AUTS2: variants seen among roughly 807,000 people sequenced by gnomAD.
The protein encoded by AUTS2 is activator of transcription and developmental regulator AUTS2.
A neutral mutation model predicts 112.4 loss-of-function variants in AUTS2; 17 were observed. That is an observed-to-expected ratio of 0.15 (90% confidence interval 0.10 to 0.23). The LOEUF (loss-of-function observed/expected upper bound fraction) is 0.23, where lower values mean the gene tolerates loss of function less well. Among genes scored for constraint, AUTS2 ranks in the 10% least tolerant of loss-of-function variants. AUTS2 has a pLI of 1.00. For missense variants in AUTS2, 1,510 were observed against 1,701.6 expected (o/e 0.89, Z 1.98); for synonymous variants, 751 against 702.7 (o/e 1.07, Z -1.09).
At chr7:70,389,775 T>C (rs1389209123) in intron 4 of AUTS2, among the ~76,000 whole-genome samples, 2 of 152,184 alleles carry the variant, frequency 1.3e-5, no homozygotes, top group Non-Finnish European at 2.9e-5. Context: ...CATGAATTCA[T>C]CATAAAGGAG....
At chr7:70,152,228 T>A (rs184701285) in intron 4 of AUTS2, among the ~76,000 whole-genome samples, 4 of 152,018 alleles carry the variant, frequency 2.6e-5, no homozygotes, top group Admixed American at 2.6e-4. Flanking sequence ...TAAATTGGAG[T>A]CTCCAGAGAG....
intron 4 of AUTS2, among the ~76,000 whole-genome samples, chr7:70,345,765 T>C (rs1043617952): frequency 6.6e-6 from 1 of 152,216 alleles, no homozygotes; most frequent in South Asian, 2.1e-4. Flanking sequence ...TTCAGTTTTG[T>C]CTAAGAAGCC....
intron 5 of AUTS2, among the ~76,000 whole-genome samples, chr7:70,670,536 A>G (rs1228428560): frequency 2.0e-5 from 3 of 152,208 alleles, no homozygotes; most frequent in African/African-American, 2.4e-5. Context: ...CACAGCCCAC[A>G]GGTGGGCAAG....
intron 1 of AUTS2, among the ~76,000 whole-genome samples, chr7:69,823,854 G>A (rs777557679): frequency 1.8e-4 from 28 of 152,158 alleles, no homozygotes; most frequent in Non-Finnish European, 3.1e-4. Flanking sequence ...CAGTGAAATG[G>A]ATTTGATGAG....
chr7:70,417,294 A>G (rs892114493), intron 4 of AUTS2, among the ~76,000 whole-genome samples: 8 of 152,232 alleles, frequency 5.3e-5, no homozygotes, highest in African/African-American at 1.9e-4. Context: ...ACCATTTTGC[A>G]ATGTGACTAT....
chr7:70,482,617 G>C (rs539077932), intron 5 of AUTS2, among the ~76,000 whole-genome samples: 1 of 152,138 alleles, frequency 6.6e-6, no homozygotes, highest in East Asian at 1.9e-4. Context: ...AGAGGGATTT[G>C]GGGGGAGGGC....
At chr7:70,166,061 C>T (rs1305035459) in intron 4 of AUTS2, among the ~76,000 whole-genome samples, 3 of 152,148 alleles carry the variant, frequency 2.0e-5, no homozygotes, top group South Asian at 2.1e-4. Flanking sequence ...CTTGTTTCCC[C>T]TTCACCTTCT....
chr7:70,295,538 G>A (rs1788894926), intron 4 of AUTS2, among the ~76,000 whole-genome samples: 1 of 152,030 alleles, frequency 6.6e-6, no homozygotes, highest in Non-Finnish European at 1.5e-5. Context: ...TTTTCATCCT[G>A]AATACTGTTC....
intron 3 of AUTS2, among the ~76,000 whole-genome samples, chr7:70,126,067 T>C (rs1466603522): frequency 2.0e-5 from 3 of 152,170 alleles, no homozygotes; most frequent in African/African-American, 7.2e-5. Context: ...GCCAAAAGAA[T>C]AAGAATAAAG....
intron 5 of AUTS2, among the ~76,000 whole-genome samples, chr7:70,473,096 A>C (rs1407386272): frequency 6.6e-6 from 1 of 152,132 alleles, no homozygotes; most frequent in Non-Finnish European, 1.5e-5. Flanking sequence ...TCTGTTTTTC[A>C]TTATCCCTGA....
chr7:69,827,814 T>C (rs1448573662), intron 1 of AUTS2, among the ~76,000 whole-genome samples: 1 of 152,222 alleles, frequency 6.6e-6, no homozygotes, highest in East Asian at 1.9e-4. Flanking sequence ...CTATGACTGC[T>C]CATTCCTAGT....
chr7:69,634,265 G>A (rs922242612), intron 1 of AUTS2, among the ~76,000 whole-genome samples: 4 of 151,568 alleles, frequency 2.6e-5, no homozygotes, highest in East Asian at 3.9e-4. Flanking sequence ...GACTACAGGC[G>A]CCCGCCATCA....
At chr7:70,510,998 A>G (rs1417181978) in intron 5 of AUTS2, among the ~76,000 whole-genome samples, 5 of 151,992 alleles carry the variant, frequency 3.3e-5, no homozygotes, top group Non-Finnish European at 7.4e-5. Flanking sequence ...ACAGGCACCC[A>G]CCACCATGCC....
intron 6 of AUTS2, among the ~76,000 whole-genome samples, chr7:70,751,910 A>G (rs1480716487): frequency 6.6e-6 from 1 of 151,078 alleles, no homozygotes; most frequent in Non-Finnish European, 1.5e-5. Flanking sequence ...TTTTTAGTAG[A>G]GACAGAGTTT....
chr7:69,915,910 G>A (rs1200235299), intron 2 of AUTS2, among the ~76,000 whole-genome samples: 4 of 152,114 alleles, frequency 2.6e-5, no homozygotes, highest in Admixed American at 2.6e-4. Context: ...GAAGAGATGG[G>A]GTTTTGCCGT....
chr7:69,662,531 C>T (rs1461291153), intron 1 of AUTS2, among the ~76,000 whole-genome samples: 1 of 152,142 alleles, frequency 6.6e-6, no homozygotes, highest in African/African-American at 2.4e-5. Flanking sequence ...GACAGGATCA[C>T]TCTGGTTGAG....
chr7:69,857,716 C>T (rs1022735788), intron 1 of AUTS2, among the ~76,000 whole-genome samples: 4 of 151,880 alleles, frequency 2.6e-5, no homozygotes, highest in Non-Finnish European at 5.9e-5. Context: ...TCCCGGGAGG[C>T]TGAGGCAGGA....
intron 4 of AUTS2, among the ~76,000 whole-genome samples, chr7:70,168,115 A>G (rs994772356): frequency 7.2e-5 from 11 of 152,250 alleles, no homozygotes; most frequent in African/African-American, 2.7e-4. Context: ...TTTCTGATAC[A>G]TTATTAAGGA....
At position 69,990,542 on chromosome 7, in the gene AUTS2, AG is replaced by A. The variant is rs1798705167; in HGVS notation, c.522+91048del. The stretch of plus-strand genomic sequence containing the variant: ...GTGTGTGTTTGTGTGTGTGTATGTC[AG>A]GGGAGGTGGAGGGAAAATGTGGATA... On this transcript the variant is annotated intron_variant, in intron 2 of 18. Coordinates refer to ENST00000342771, the MANE Select transcript of AUTS2 (RefSeq NM_015570.4). Among the ~76,000 whole-genome samples, 4 of 152,244 alleles carry A rather than the reference AG, an allele frequency of 2.6e-5. No homozygotes were observed. The South Asian group carries it at 6.2e-4, about 24-fold the overall frequency.
Sources: gnomAD v4.1 joint callset for allele counts (sites outside exome capture counted in the v4.1 genomes callset) on GRCh38, gnomAD v4.1.1 for gene constraint, MANE v1.5 for transcripts, NCBI Gene and HGNC (gene_info 2026-07-23, HGNC 2026-07-21) for gene names.